Variants in RAD51B observed in about 807,000 individuals in gnomAD.
The protein encoded by RAD51B is RAD51 paralog B, also known as DNA repair protein RAD51 homolog 2.
In RAD51B, 38 loss-of-function variants were observed where a neutral mutation model predicts 42.2. The observed-to-expected ratio is 0.90, with a 90% CI of 0.70 to 1.18. The LOEUF is 1.18. Among genes scored for constraint, RAD51B ranks in the 50% most tolerant of loss-of-function variants. The pLI, the probability that RAD51B is intolerant of heterozygous loss-of-function variation, is 0.00. For missense variants in RAD51B, 373 were observed against 400.7 expected, an observed-to-expected ratio of 0.93 and a Z score of 0.59; for synonymous variants, 154 against 145.2, an observed-to-expected ratio of 1.06 and a Z score of -0.43.
At chr14:68,621,352 C>T (rs901568541) in intron 10 of RAD51B, among the ~76,000 whole-genome samples, 1 of 152,252 alleles carries the variant, frequency 6.6e-6, no homozygotes, top group Non-Finnish European at 1.5e-5. Flanking sequence ...CACTTCTCCA[C>T]AGCCACCTTT....
At chr14:68,273,488 T>C (rs1350930392) in intron 7 of RAD51B, among the ~76,000 whole-genome samples, 1 of 152,180 alleles carries the variant, frequency 6.6e-6, no homozygotes, top group African/African-American at 2.4e-5. Flanking sequence ...AAGTGACAAA[T>C]CAAATTATTG....
intron 7 of RAD51B, among the ~76,000 whole-genome samples, chr14:68,077,848 G>A (rs890447719): frequency 1.3e-5 from 2 of 152,158 alleles, no homozygotes; most frequent in African/African-American, 4.8e-5. Context: ...CCCAGCTACT[G>A]GGGTGGCTGA....
At chr14:68,623,988 C>G (rs1383136340) in intron 10 of RAD51B, among the ~76,000 whole-genome samples, 1 of 152,186 alleles carries the variant, frequency 6.6e-6, no homozygotes. Flanking sequence ...ACACTGGGCT[C>G]TAGCTTTGCT....
intron 7 of RAD51B, among the ~76,000 whole-genome samples, chr14:68,076,344 T>C (rs2076833546): frequency 6.6e-6 from 1 of 152,210 alleles, no homozygotes; most frequent in South Asian, 2.1e-4. Context: ...TATCTTAATA[T>C]ATACCTTATC....
chr14:68,356,479 TAA>T (rs1253466729), intron 8 of RAD51B, among the ~76,000 whole-genome samples: 3 of 151,190 alleles, frequency 2.0e-5, no homozygotes, highest in African/African-American at 7.3e-5. Flanking sequence ...TCTACTCTAT[TAA>T]AAGTGCAATA....
intron 7 of RAD51B, among the ~76,000 whole-genome samples, chr14:68,253,288 T>C (rs2080679688): frequency 6.6e-6 from 1 of 152,214 alleles, no homozygotes; most frequent in Non-Finnish European, 1.5e-5. Flanking sequence ...GTAGCTTTTT[T>C]TTTCATGTAA....
intron 7 of RAD51B, among the ~76,000 whole-genome samples, chr14:68,198,748 T>G (rs962248020): frequency 6.6e-6 from 1 of 152,226 alleles, no homozygotes; most frequent in Non-Finnish European, 1.5e-5. Flanking sequence ...TATTATGCAG[T>G]TCTCAGCCTT....
At chr14:68,033,781 T>C (rs897822042) in intron 7 of RAD51B, among the ~76,000 whole-genome samples, 2 of 152,200 alleles carry the variant, frequency 1.3e-5, no homozygotes, top group African/African-American at 4.8e-5. Flanking sequence ...CCAGTCACCA[T>C]TGAGCCAAAG....
rs560028261 is a variant in RAD51B at position 68,538,779 on chromosome 14, G to A, written c.1037-55706G>A. On this transcript the variant is annotated intron_variant, in intron 10 of 10. Transcript: ENST00000487270. ...TACTTGTATGGCGAAAAAGAGCTGG[G>A]GCTGAGCAGGATCAGCCTGCCCTGG... 5.3e-5 allele frequency among the ~76,000 whole-genome samples: 8 copies of A among 152,244 alleles called. No homozygotes were observed. In the South Asian group the frequency reaches 1.2e-3, roughly 24 times the overall value.
chr14:67,998,300 C>T (rs1248477871), intron 7 of RAD51B, among the ~76,000 whole-genome samples: 3 of 152,162 alleles, frequency 2.0e-5, no homozygotes, highest in Admixed American at 1.3e-4. Context: ...AATATAAAAA[C>T]TGTTCTTAGA....
At chr14:68,637,381 C>T (rs911374438) in intron 10 of RAD51B, among the ~76,000 whole-genome samples, 1 of 152,158 alleles carries the variant, frequency 6.6e-6, no homozygotes, top group Non-Finnish European at 1.5e-5. Context: ...ACTCGGACTT[C>T]GTAAACATTT....
At chr14:67,837,086 G>T (rs902997453) in intron 4 of RAD51B, among the ~76,000 whole-genome samples, 3 of 151,946 alleles carry the variant, frequency 2.0e-5, no homozygotes, top group Non-Finnish European at 4.4e-5. Flanking sequence ...GCAACACCTA[G>T]CAGATGCCTA....
At chr14:68,515,028 A>G (rs1472057594) in intron 10 of RAD51B, among the ~76,000 whole-genome samples, 1 of 152,142 alleles carries the variant, frequency 6.6e-6, no homozygotes, top group Non-Finnish European at 1.5e-5. Flanking sequence ...GCTCCTGGGG[A>G]GGTGTGCCTG....
At chr14:68,374,172 C>T (rs1360771240) in intron 8 of RAD51B, among the ~76,000 whole-genome samples, 2 of 152,144 alleles carry the variant, frequency 1.3e-5, no homozygotes, top group Admixed American at 6.5e-5. Context: ...TTCTAAGCAC[C>T]GTTGGAGCAG....
chr14:68,681,630 G>T (rs1337215954), intron 11 of RAD51B, among the ~76,000 whole-genome samples: 1 of 152,150 alleles, frequency 6.6e-6, no homozygotes, highest in Non-Finnish European at 1.5e-5. Flanking sequence ...TCTAAGACCT[G>T]CCTGGAAGAT....
chr14:68,233,138 G>A (rs2140986079), intron 7 of RAD51B, among the ~76,000 whole-genome samples: 1 of 152,302 alleles, frequency 6.6e-6, no homozygotes, highest in South Asian at 2.1e-4. Context: ...GATATTGTAA[G>A]CTGGTTGTTT....
Position 68,618,458 on chromosome 14 carries a change from C to G in RAD51B, c.1037-32323C>G, listed in dbSNP as rs796356123. ...AGGTACTCTCTGTGGATTCTCCTAACTATTCCTTCCTCTTGACCCTTTGGA... is the reference window on the plus strand; with the variant it reads ...AGGTACTCTCTGTGGATTCTCCTAAGTATTCCTTCCTCTTGACCCTTTGGA... On this transcript the variant is annotated intron_variant, in intron 10 of 11. Transcript: ENST00000488612. 4.6e-5 allele frequency among the ~76,000 whole-genome samples: 7 copies of G among 152,346 alleles called. 1 individual carries two copies. Among genetic ancestry groups the G allele is most frequent in the African/African-American group, 1.7e-4 (7 of 41,574 alleles).
intron 7 of RAD51B, among the ~76,000 whole-genome samples, chr14:68,279,766 A>G (rs1452751418): frequency 6.6e-6 from 1 of 152,242 alleles, no homozygotes; most frequent in East Asian, 1.9e-4. Flanking sequence ...ACAAGAAAAT[A>G]TTTCTTAAAC....
chr14:68,179,346 A>T (rs1046847432), intron 7 of RAD51B, among the ~76,000 whole-genome samples: 1 of 152,164 alleles, frequency 6.6e-6, no homozygotes, highest in Non-Finnish European at 1.5e-5. Context: ...TATGCAGCAA[A>T]TTAAAAATAC....
Sources: allele counts gnomAD v4.1 joint callset (sites outside exome capture counted in the v4.1 genomes callset), GRCh38; gene constraint gnomAD v4.1.1; transcripts MANE v1.5; gene names NCBI Gene and HGNC (gene_info 2026-07-23, HGNC 2026-07-21).